Variants in AQP11 observed in about 807,000 individuals in gnomAD.
AQP11 encodes aquaporin-11.
AQP11 carries 20 observed loss-of-function variants against 21.1 expected under a neutral mutation model. The observed-to-expected ratio is 0.95, with a 90% CI of 0.67 to 1.38. The LOEUF (loss-of-function observed/expected upper bound fraction) is 1.38, where lower values mean the gene tolerates loss of function less well. Among genes scored for constraint, AQP11 ranks in the 40% most tolerant of loss-of-function variants. The pLI, the probability that AQP11 is intolerant of heterozygous loss-of-function variation, is 0.00. For missense variants in AQP11, 339 were observed against 340.4 expected (o/e 1.00, Z 0.03); for synonymous variants, 167 against 150.1 (o/e 1.11, Z -0.82).
Position 77,590,330 on chromosome 11 carries a change from C to T in AQP11, c.338C>T (p.Ser113Phe), listed in dbSNP as rs1433405732. 3.7e-6 allele frequency: 6 copies of T among 1,610,124 alleles called. No individual in the cohort carries two copies. In the African/African-American group the frequency reaches 8.0e-5, roughly 22 times the overall value. The stretch of plus-strand genomic sequence containing the variant: ...ATGCAGATGATGCTGGGGGGCATGT[C>T]CCCCGAGACGGGTGCGGTGAGGCTA... ...VMMQMMLGGM[S>F]PETGAVRLLA... The change falls in exon 1 of 3, where the codon TCC becomes TTC. Residue 113 changes from serine (S) to phenylalanine (F), a missense_variant. Coordinates refer to ENST00000313578, the MANE Select transcript of AQP11 (RefSeq NM_173039.3).
intron 1 of AQP11, among the ~76,000 whole-genome samples, chr11:77,596,683 A>T (rs1183599471): frequency 6.7e-6 from 1 of 150,350 alleles, no homozygotes. Context: ...ACATAGCAAG[A>T]CCCTGTCTCT....
At chr11:77,607,242 G>A (rs1417705226) in intron 2 of AQP11, among the ~76,000 whole-genome samples, 1 of 151,730 alleles carries the variant, frequency 6.6e-6, no homozygotes, top group Non-Finnish European at 1.5e-5. Context: ...GACATAAAGC[G>A]ACACATTATA....
intron 1 of AQP11, among the ~76,000 whole-genome samples, chr11:77,603,239 C>T (rs1203033926): frequency 6.6e-6 from 1 of 152,074 alleles, no homozygotes; most frequent in Non-Finnish European, 1.5e-5. Flanking sequence ...TTTAAATTGA[C>T]AAATGTTCAG....
intron 2 of AQP11, among the ~76,000 whole-genome samples, chr11:77,604,629 A>G (rs1565119694): frequency 6.6e-6 from 1 of 152,154 alleles, no homozygotes; most frequent in African/African-American, 2.4e-5. Flanking sequence ...CATACACAGA[A>G]GGTAACACAG....
intron 1 of AQP11, among the ~76,000 whole-genome samples, chr11:77,593,923 C>G (rs188546786): frequency 6.6e-6 from 1 of 152,176 alleles, no homozygotes; most frequent in East Asian, 1.9e-4. Flanking sequence ...ATGAATGAAC[C>G]TCAAAAACAA....
At chr11:77,607,422 C>T (rs1000838853) in intron 2 of AQP11, among the ~76,000 whole-genome samples, 1 of 152,170 alleles carries the variant, frequency 6.6e-6, no homozygotes, top group African/African-American at 2.4e-5. Flanking sequence ...GGGAGTGAGA[C>T]AGAGGAAAGA....
chr11:77,601,819 T>C (rs919014932), intron 1 of AQP11, among the ~76,000 whole-genome samples: 2 of 152,184 alleles, frequency 1.3e-5, no homozygotes, highest in East Asian at 3.8e-4. Flanking sequence ...GATGCCTCAG[T>C]TCTCTTCCGT....
At chr11:77,597,124 T>C (rs1188134577) in intron 1 of AQP11, among the ~76,000 whole-genome samples, 1 of 152,198 alleles carries the variant, frequency 6.6e-6, no homozygotes, top group Non-Finnish European at 1.5e-5. Flanking sequence ...ACAACTCCTT[T>C]TGGGATAAAT....
chr11:77,601,564 CA>C (rs1958815853), intron 1 of AQP11, among the ~76,000 whole-genome samples: 1 of 152,172 alleles, frequency 6.6e-6, no homozygotes, highest in East Asian at 1.9e-4. Context: ...TGCCTGAGCT[CA>C]TTACAAACTC....
intron 1 of AQP11, among the ~76,000 whole-genome samples, chr11:77,599,895 T>C (rs546466234): frequency 6.6e-5 from 10 of 151,704 alleles, no homozygotes; most frequent in African/African-American, 2.2e-4. Flanking sequence ...CCCAAACTCT[T>C]TTCATGTGCA....
chr11:77,609,356 T>C lies in AQP11; in HGVS notation c.795T>C (p.His265=), dbSNP rs767099154. Residue 265 remains histidine, a synonymous_variant, in exon 3 of 3, where the codon CAT becomes CAC. Coordinates refer to ENST00000313578, the MANE Select transcript of AQP11 (RefSeq NM_173039.3). ...SFFLPWLHNN[H]TINKKE is the part of the protein sequence containing the mutation. ...TCCTTCCATGGCTGCATAACAACCA[T>C]ACAATTAATAAAAAGGAATAACTGT... 2 of 1,612,798 alleles carry C rather than the reference T, an allele frequency of 1.2e-6. No individual in the cohort carries two copies. The highest frequency in any genetic ancestry group is 1.7e-6 in the Non-Finnish European group (2 of 1,179,352).
At chr11:77,604,976 G>C (rs1039461580) in intron 2 of AQP11, among the ~76,000 whole-genome samples, 3 of 152,116 alleles carry the variant, frequency 2.0e-5, no homozygotes, top group Non-Finnish European at 2.9e-5. Context: ...GGCAGATCAT[G>C]AGGTCAGGGG....
rs1333704628 is a variant in AQP11, at chr11:77,596,494, G to GTGTAAATATATATA, written c.619+5896_619+5897insATGTAAATATATAT. Among the ~76,000 whole-genome samples, 243 of 117,638 alleles carry GTGTAAATATATATA rather than the reference G, an allele frequency of 2.1e-3. 3 individuals carry two copies. The highest frequency in any genetic ancestry group is 7.1e-3 in the African/African-American group (217 of 30,402). The allele number at this position is 117,638 out of a possible 152,430, so 77.2% of individuals were successfully genotyped here. ...TGTAAATATATATGTGTAAATATATGTGTAAATATATATGTGTAAATATAT... is the reference window on the plus strand; with the variant it reads ...TGTAAATATATATGTGTAAATATATGTGTAAATATATATATGTAAATATATATGTGTAAATATAT... On this transcript the variant is annotated intron_variant, in intron 1 of 2. Coordinates refer to ENST00000313578, the MANE Select transcript of AQP11 (RefSeq NM_173039.3).
chr11:77,593,462 C>T (rs1958760554), intron 1 of AQP11, among the ~76,000 whole-genome samples: 2 of 152,068 alleles, frequency 1.3e-5, no homozygotes, highest in South Asian at 2.1e-4. Context: ...GGTGAAACCC[C>T]GTCTCTACTA....
intron 1 of AQP11, among the ~76,000 whole-genome samples, chr11:77,596,661 C>G (rs1166265477): frequency 1.3e-5 from 2 of 149,136 alleles, no homozygotes; most frequent in Non-Finnish European, 1.5e-5. Flanking sequence ...CAGTTTGAGA[C>G]CAGTCTGGGC....
At chr11:77,596,284 T>C (rs1168381997) in intron 1 of AQP11, among the ~76,000 whole-genome samples, 8 of 149,934 alleles carry the variant, frequency 5.3e-5, no homozygotes, top group Non-Finnish European at 7.4e-5. Flanking sequence ...CTCCTAAAAA[T>C]ACAAAAATGA....
intron 1 of AQP11, among the ~76,000 whole-genome samples, chr11:77,596,453 A>AT (rs1473314822): frequency 0.036 from 4,433 of 121,630 alleles, 113 homozygotes; most frequent in East Asian, 0.043. Context: ...TTAAAAAAAA[A>AT]AAATATATAT....
At chr11:77,596,050 G>C (rs1269558740) in intron 1 of AQP11, among the ~76,000 whole-genome samples, 1 of 151,790 alleles carries the variant, frequency 6.6e-6, no homozygotes, top group Non-Finnish European at 1.5e-5. Context: ...AATTTATTTT[G>C]TTATGCCAGT....
At chr11:77,603,698 C>T in intron 2 of AQP11, 26 bp downstream of exon 2, 1 of 1,478,822 alleles carries the variant, frequency 6.8e-7, no homozygotes, top group Non-Finnish European at 9.3e-7. Flanking sequence ...TTTAATATGT[C>T]TGAAAGATTA....
Sources: gnomAD v4.1 joint callset for allele counts (sites outside exome capture counted in the v4.1 genomes callset) on GRCh38, gnomAD v4.1.1 for gene constraint, MANE v1.5 for transcripts, NCBI Gene and HGNC (gene_info 2026-07-23, HGNC 2026-07-21) for gene names.